EFHD2: variants seen among roughly 807,000 people sequenced by gnomAD.
The protein encoded by EFHD2 is EF-hand domain family member D2.
Under a neutral mutation model 20.3 loss-of-function variants are expected in EFHD2, and 12 were observed. The ratio of observed to expected loss-of-function variants is 0.59; its 90% CI spans 0.38 to 0.96. EFHD2 has a LOEUF of 0.96. EFHD2 is among the 40% of genes least tolerant of loss of function. The pLI, the probability that EFHD2 is intolerant of heterozygous loss-of-function variation, is 0.00. For missense variants in EFHD2, 250 were observed against 334.3 expected (o/e 0.75, Z 1.97); for synonymous variants, 131 against 143.9 (o/e 0.91, Z 0.64).
In EFHD2 at chr1:15,428,343, C is replaced by T. The variant is rs1465148090; in HGVS notation, c.592-250C>T. Among the ~76,000 whole-genome samples, 6 of 152,110 alleles carry T rather than the reference C, an allele frequency of 3.9e-5. 1 individual carries two copies. In the South Asian group the frequency reaches 1.2e-3, roughly 32 times the overall value. ...GAAACCCCATCTCTACTAAAAACAC[C>T]AAAATTAGCCGGGCATGGTGGAGGG... On this transcript the variant is annotated intron_variant, in intron 3 of 3. Transcript: ENST00000375980.
Position 15,426,092 on chromosome 1 carries a change from C to T in EFHD2, c.456+74C>T. 2 of 1,423,250 alleles carry T rather than the reference C, an allele frequency of 1.4e-6. No homozygotes were observed. Among genetic ancestry groups the T allele is most frequent in the Non-Finnish European group, 1.9e-6 (2 of 1,071,646 alleles). The allele number at this position is 1,423,250 out of a possible 1,614,324, so 88.2% of individuals were successfully genotyped here. A position where few individuals can be genotyped will look rare whatever the true frequency, so the allele number is the denominator to read the frequency against. ...GACCTGGTGGCCCGGGAGAGACCAA[C>T]CCCCACCCTTTGTCAATGAATGAAT... On this transcript the variant is annotated intron_variant, in intron 2 of 3. Transcript: ENST00000375980. This position sits in a 1 kb window ranked among gnomAD's most constrained non-coding sequence, Gnocchi z 4.6.
chr1:15,422,523 A>G (rs1707809694), intron 1 of EFHD2, among the ~76,000 whole-genome samples: 1 of 151,778 alleles, frequency 6.6e-6, no homozygotes, highest in Admixed American at 6.6e-5. Flanking sequence ...ACCTCTAGAC[A>G]TTGCCAGATG....
chr1:15,427,182 G>A lies in EFHD2; in HGVS notation c.489G>A (p.Gly163=). 6.2e-7 allele frequency: 1 copy of A among 1,609,626 alleles called. No individual in the cohort carries two copies. The highest frequency in any genetic ancestry group is 8.5e-7 in the Non-Finnish European group (1 of 1,178,356). ...TGATCTTCCGCAAGGCGGCGGCCGG[G>A]GAGCTTCAGGAGGACAGCGGGCTGT... ...FLLIFRKAAA[G]ELQEDSGLCV... is the part of the protein sequence containing the mutation. The change falls in exon 3 of 4, where the codon GGG becomes GGA. Residue 163 remains glycine (G), a synonymous_variant. Coordinates refer to ENST00000375980, the MANE Select transcript of EFHD2 (RefSeq NM_024329.6).
intron 1 of EFHD2, among the ~76,000 whole-genome samples, chr1:15,425,318 A>C (rs933509154): frequency 1.3e-5 from 2 of 152,096 alleles, no homozygotes; most frequent in Non-Finnish European, 2.9e-5. Context: ...TGAGGTCAGG[A>C]GTTCAAGACC....
intron 1 of EFHD2, among the ~76,000 whole-genome samples, chr1:15,419,054 G>C (rs1707741717): frequency 6.6e-6 from 1 of 152,246 alleles, no homozygotes; most frequent in South Asian, 2.1e-4. Context: ...GGCTCACCTG[G>C]GTGCAAGGCT....
intron 1 of EFHD2, among the ~76,000 whole-genome samples, chr1:15,418,825 T>C (rs1050703701): frequency 1.3e-5 from 2 of 148,184 alleles, no homozygotes; most frequent in Non-Finnish European, 3.0e-5. Flanking sequence ...TAAGAGTGCA[T>C]GTGTTTGATC....
rs1200920377 is a variant in EFHD2 at position 15,410,253 on chromosome 1, C to A, written c.282C>A (p.Ile94=). The A allele has an allele frequency of 6.2e-7, 1 of 1,604,208 alleles. No homozygotes were observed. The highest frequency in any genetic ancestry group is 8.5e-7 in the Non-Finnish European group (1 of 1,176,296). ...TEFKEFSRKQ[I]KDMEKMFKQY... ...TCAAGGAGTTCTCCAGGAAGCAGAT[C>A]AAGGACATGGAGAAGATGTTCAAGC... is the stretch of plus-strand genomic sequence containing the variant. Residue 94 remains isoleucine (I), a synonymous_variant, in exon 1 of 4, where the codon ATC becomes ATA. Coordinates refer to ENST00000375980, the MANE Select transcript of EFHD2 (RefSeq NM_024329.6).
intron 1 of EFHD2, among the ~76,000 whole-genome samples, chr1:15,423,365 T>C (rs1215567822): frequency 1.3e-5 from 2 of 152,206 alleles, no homozygotes; most frequent in Non-Finnish European, 2.9e-5. Context: ...ATCTTTGCTG[T>C]GTCACTTTCA....
chr1:15,417,651 T>C (rs949899703), intron 1 of EFHD2, among the ~76,000 whole-genome samples: 1 of 152,174 alleles, frequency 6.6e-6, no homozygotes, highest in Non-Finnish European at 1.5e-5. Flanking sequence ...CAGATAGGAC[T>C]AGAGGAAGTG....
At chr1:15,424,603 C>G (rs1403484507) in intron 1 of EFHD2, among the ~76,000 whole-genome samples, 1 of 152,244 alleles carries the variant, frequency 6.6e-6, no homozygotes, top group Non-Finnish European at 1.5e-5. Context: ...CACTGCACCA[C>G]ACGTCCCTGA....
rs1707444346 is a variant in EFHD2, at chr1:15,410,176, A to G, written c.205A>G (p.Ile69Val). 6.2e-7 allele frequency: 1 copy of G among 1,604,928 alleles called. No individual in the cohort carries two copies. The highest frequency in any genetic ancestry group is 1.4e-5 in the African/African-American group (1 of 73,580). Residue 69 changes from isoleucine to valine, a missense_variant, in exon 1 of 4, where the codon ATC becomes GTC. Ile to Val is a conservative substitution (Grantham distance 29). Around this residue, in one of 3 missense-constraint regions of EFHD2, gnomAD observed 143 missense variants for 190.6 expected, o/e 0.75. Transcript: ENST00000375980. ...GCGGCGCGCAGACCTCAACCAGGGC[A>G]TCGGCGAGCCCCAGTCGCCCAGCCG... ...LLRRADLNQG[I>V]GEPQSPSRRV...
chr1:15,415,490 CT>C lies in EFHD2; in HGVS notation c.308+5227del, dbSNP rs775986699. Among the ~76,000 whole-genome samples the C allele has an allele frequency of 2.2e-3, 299 of 138,234 alleles. 1 individual carries two copies. The highest frequency in any genetic ancestry group is 3.6e-3 in the Middle Eastern group (1 of 278). 90.7% of individuals were successfully genotyped at this position (138,234 alleles called of 152,430 possible). A position where few individuals can be genotyped will look rare whatever the true frequency, so the allele number is the denominator to read the frequency against. ...TGAGATTGATACTGTCTTTGTTTTC[CT>C]TTTTTTTTTTTTTTTGAGATGGAGT... is the stretch of plus-strand genomic sequence containing the variant. On this transcript the variant is annotated intron_variant, in intron 1 of 3. Coordinates refer to ENST00000375980, the MANE Select transcript of EFHD2 (RefSeq NM_024329.6).
In EFHD2 at chr1:15,418,589, G is replaced by A. The variant is rs778488581; in HGVS notation, c.309-7282G>A. Among the ~76,000 whole-genome samples the A allele has an allele frequency of 6.0e-4, 91 of 152,130 alleles. 1 individual carries two copies. Among genetic ancestry groups the A allele is most frequent in the Middle Eastern group, 6.8e-3 (2 of 294 alleles). Reference sequence around the variant, plus strand: ...CAAAGTGCTGGGATTACAGGCGGGAGCCACGGCACCCGGCCGCAACTTTCT... The same window carrying A: ...CAAAGTGCTGGGATTACAGGCGGGAACCACGGCACCCGGCCGCAACTTTCT... On this transcript the variant is annotated intron_variant, in intron 1 of 3. Transcript: ENST00000375980.
At chr1:15,422,002 C>A (rs1038133932) in intron 1 of EFHD2, among the ~76,000 whole-genome samples, 2 of 152,052 alleles carry the variant, frequency 1.3e-5, no homozygotes, top group African/African-American at 4.8e-5. Flanking sequence ...CTCAGTCGTT[C>A]CTCACAGTGG....
At position 15,428,554 on chromosome 1, in the gene EFHD2, C is replaced by A. The variant is rs202004598; in HGVS notation, c.592-39C>A. On this transcript the variant is annotated intron_variant, in intron 3 of 3. Coordinates refer to ENST00000375980, the MANE Select transcript of EFHD2 (RefSeq NM_024329.6). The stretch of plus-strand genomic sequence containing the variant: ...TAGCACAGAGAACCCCCAACATACA[C>A]CATCCAGCCCTGACCCCCTCACCCC... The A allele has an allele frequency of 8.8e-6, 14 of 1,596,912 alleles. 1 individual carries two copies. The highest frequency in any genetic ancestry group is 4.5e-5 in the South Asian group (4 of 88,998).
At chr1:15,420,013 C>T (rs373907204) in intron 1 of EFHD2, among the ~76,000 whole-genome samples, 3 of 152,120 alleles carry the variant, frequency 2.0e-5, no homozygotes, top group South Asian at 2.1e-4. Flanking sequence ...AAAAGTGGGC[C>T]TTTAGAGGAG....
At chr1:15,420,027 T>C (rs1372639749) in intron 1 of EFHD2, among the ~76,000 whole-genome samples, 1 of 152,030 alleles carries the variant, frequency 6.6e-6, no homozygotes, top group East Asian at 1.9e-4. Flanking sequence ...AGAGGAGAGG[T>C]CATGCTGGAG....
At chr1:15,427,849 C>G (rs571687471) in intron 3 of EFHD2, 2 of 465,504 alleles carry the variant, frequency 4.3e-6, no homozygotes, top group Non-Finnish European at 8.9e-6. Context: ...CTGCCTCCCA[C>G]CACCCTCTGG....
intron 1 of EFHD2, among the ~76,000 whole-genome samples, chr1:15,415,639 C>T (rs1707652379): frequency 6.6e-6 from 1 of 152,068 alleles, no homozygotes; most frequent in South Asian, 2.1e-4. Flanking sequence ...CAAGCACACA[C>T]CACCATGCCT....
Sources: gnomAD v4.1 joint callset for allele counts (sites outside exome capture counted in the v4.1 genomes callset) on GRCh38, gnomAD v4.1.1 for gene constraint, gnomAD v4.1.1 regional missense constraint, Gnocchi (gnomAD v3.1) non-coding constraint, MANE v1.5 for transcripts, NCBI Gene and HGNC (gene_info 2026-07-23, HGNC 2026-07-21) for gene names.